The following ATG5 variants were observed in gnomAD, a reference collection of about 807,000 sequenced individuals.
The protein encoded by ATG5 is autophagy related 5, also known as autophagy protein 5.
A neutral mutation model predicts 36.5 loss-of-function variants in ATG5; 14 were observed. That is an observed-to-expected ratio of 0.38 (90% CI 0.25 to 0.60). ATG5 has a LOEUF of 0.60. ATG5 is among the 20% of genes least tolerant of loss of function. ATG5 has a pLI of 0.60. For missense variants in ATG5, 195 were observed against 326.7 expected, an observed-to-expected ratio of 0.60 and a Z score of 3.11; for synonymous variants, 95 against 101.5, an observed-to-expected ratio of 0.94 and a Z score of 0.38.
intron 6 of ATG5, among the ~76,000 whole-genome samples, chr6:106,244,866 T>G (rs2114504139): frequency 6.6e-6 from 1 of 152,374 alleles, no homozygotes; most frequent in South Asian, 2.1e-4. Context: ...ATCAATCTAT[T>G]GCTTCTTGAA....
intron 6 of ATG5, among the ~76,000 whole-genome samples, chr6:106,225,804 A>C (rs1277568075): frequency 6.6e-6 from 1 of 152,196 alleles, no homozygotes; most frequent in East Asian, 1.9e-4. Context: ...TCACCAGGAG[A>C]GTTTGTGGAA....
At position 106,186,497 on chromosome 6, in the gene ATG5, A is replaced by G. The variant is rs1243183928; in HGVS notation, c.*43T>C. The G allele has an allele frequency of 6.2e-7, 1 of 1,605,768 alleles. No homozygotes were observed. The highest frequency in any genetic ancestry group is 1.1e-5 in the South Asian group (1 of 90,750). On this transcript the variant is annotated 3_prime_UTR_variant, in exon 8 of 8. Coordinates refer to ENST00000369076, the MANE Select transcript of ATG5 (RefSeq NM_004849.4). ...GCAAAAGGGTGACATGCTCTGATAA[A>G]TCCCATTTAAGGATGATTCTGTTCA...
chr6:106,200,479 T>TC (rs1404218980), intron 7 of ATG5, among the ~76,000 whole-genome samples: 1 of 149,082 alleles, frequency 6.7e-6, no homozygotes, highest in African/African-American at 2.4e-5. Flanking sequence ...ACTCTGCAAT[T>TC]TTTTTTTTTT....
intron 5 of ATG5, among the ~76,000 whole-genome samples, chr6:106,259,609 T>C (rs193001041): frequency 5.3e-5 from 8 of 152,356 alleles, no homozygotes; most frequent in Non-Finnish European, 1.0e-4. Flanking sequence ...CTTCATCACC[T>C]TGTCTCTTCT....
chr6:106,246,964 G>A (rs977855418), intron 6 of ATG5, among the ~76,000 whole-genome samples: 6 of 152,160 alleles, frequency 3.9e-5, no homozygotes, highest in African/African-American at 9.6e-5. Context: ...CAATAACCCC[G>A]CCTTCATGAA....
chr6:106,322,732 A>G (rs139222489), intron 1 of ATG5, among the ~76,000 whole-genome samples: 1 of 152,308 alleles, frequency 6.6e-6, no homozygotes, highest in African/African-American at 2.4e-5. Context: ...CACTCCCTTG[A>G]AGATCTCTCA....
In ATG5 at chr6:106,325,594, G is replaced by T. The variant is rs1179340150; in HGVS notation, c.-127C>A. ...TGGGGACGCCCAGATTCCGCGCTCCGGTGGGGCGGCGGGGCAAGCTGCCCG... is the reference window on the plus strand; with the variant it reads ...TGGGGACGCCCAGATTCCGCGCTCCTGTGGGGCGGCGGGGCAAGCTGCCCG... On this transcript the variant is annotated 5_prime_UTR_variant, in exon 1 of 8. Transcript: ENST00000369076. The T allele has an allele frequency of 6.5e-6, 1 of 152,922 alleles. No homozygotes were observed. The highest frequency in any genetic ancestry group is 2.4e-5 in the African/African-American group (1 of 41,452). 9.5% of individuals were successfully genotyped at this position (152,922 alleles called of 1,614,324 possible). A position where few individuals can be genotyped will look rare whatever the true frequency, so the allele number is the denominator to read the frequency against.
At chr6:106,313,464 A>G (rs187203896) in intron 2 of ATG5, among the ~76,000 whole-genome samples, 29 of 152,370 alleles carry the variant, frequency 1.9e-4, no homozygotes, top group African/African-American at 6.7e-4. Context: ...GATTTCCTCT[A>G]GAAACAAGTC....
chr6:106,263,115 C>T (rs1462938495), intron 5 of ATG5, among the ~76,000 whole-genome samples: 2 of 152,196 alleles, frequency 1.3e-5, no homozygotes, highest in African/African-American at 4.8e-5. Flanking sequence ...TCACTGCCAG[C>T]ACAGCAGTCT....
chr6:106,250,735 T>C (rs1778542061), intron 5 of ATG5, among the ~76,000 whole-genome samples: 1 of 152,252 alleles, frequency 6.6e-6, no homozygotes, highest in South Asian at 2.1e-4. Flanking sequence ...ATGCATAGTA[T>C]GTGCTCTTGA....
intron 6 of ATG5, among the ~76,000 whole-genome samples, chr6:106,227,256 G>A (rs143898306): frequency 6.6e-6 from 1 of 152,296 alleles, no homozygotes; most frequent in Non-Finnish European, 1.5e-5. Flanking sequence ...CAGAAATGAT[G>A]TTGTCAATAG....
intron 5 of ATG5, among the ~76,000 whole-genome samples, chr6:106,279,153 G>A (rs1332298488): frequency 1.3e-5 from 2 of 152,164 alleles, no homozygotes; most frequent in Non-Finnish European, 2.9e-5. Context: ...TCCAAAATAT[G>A]AGGGATACAG....
At chr6:106,229,569 C>A (rs1777593470) in intron 6 of ATG5, among the ~76,000 whole-genome samples, 1 of 151,756 alleles carries the variant, frequency 6.6e-6, no homozygotes, top group South Asian at 2.1e-4. Flanking sequence ...TAAAAAAAAA[C>A]AGTGTGCCCT....
Position 106,279,865 on chromosome 6 carries a change from A to G in ATG5, c.316-42T>C, listed in dbSNP as rs147476259. On this transcript the variant is annotated intron_variant, in intron 4 of 7. Coordinates refer to ENST00000369076, the MANE Select transcript of ATG5 (RefSeq NM_004849.4). ...TATACATATAAAACAGGATACACACATTACAAAATTAACCTCTTAAAAGAG... is the reference window on the plus strand; with the variant it reads ...TATACATATAAAACAGGATACACACGTTACAAAATTAACCTCTTAAAAGAG... The G allele has an allele frequency of 1.7e-3, 2,187 of 1,265,728 alleles. 4 individuals are homozygous for G. The highest frequency in any genetic ancestry group is 7.6e-3 in the African/African-American group (501 of 65,796). 78.4% of individuals were successfully genotyped at this position (1,265,728 alleles called of 1,614,324 possible). A position where few individuals can be genotyped will look rare whatever the true frequency, so the allele number is the denominator to read the frequency against.
chr6:106,243,159 G>C (rs901361052), intron 6 of ATG5, among the ~76,000 whole-genome samples: 1 of 152,090 alleles, frequency 6.6e-6, no homozygotes. Context: ...AAGTTAAATA[G>C]ATTTGCTTAA....
At chr6:106,218,158 C>T (rs906520849) in intron 6 of ATG5, among the ~76,000 whole-genome samples, 1 of 152,138 alleles carries the variant, frequency 6.6e-6, no homozygotes, top group African/African-American at 2.4e-5. Context: ...AGAGGGTATA[C>T]TGTAGTTACA....
intron 5 of ATG5, among the ~76,000 whole-genome samples, chr6:106,261,468 G>A (rs1401647949): frequency 6.6e-6 from 1 of 152,196 alleles, no homozygotes; most frequent in Non-Finnish European, 1.5e-5. Context: ...GGGAAGAATT[G>A]CTGGAATAGA....
intron 4 of ATG5, among the ~76,000 whole-genome samples, chr6:106,292,224 AT>A (rs1780337510): frequency 6.6e-6 from 1 of 152,218 alleles, no homozygotes; most frequent in Admixed American, 6.5e-5. Context: ...ATCAACTAAT[AT>A]AAGAGACCGA....
intron 6 of ATG5, among the ~76,000 whole-genome samples, chr6:106,238,194 G>A (rs1376602230): frequency 3.3e-5 from 5 of 151,880 alleles, no homozygotes; most frequent in East Asian, 1.9e-4. Context: ...TTTTAGAGAC[G>A]GAGTCTTGCT....
Sources: gnomAD v4.1 joint callset for allele counts (sites outside exome capture counted in the v4.1 genomes callset) on GRCh38, gnomAD v4.1.1 for gene constraint, MANE v1.5 for transcripts, NCBI Gene and HGNC (gene_info 2026-07-23, HGNC 2026-07-21) for gene names.